ATP10B: variants seen among roughly 807,000 people sequenced by gnomAD.
ATP10B encodes phospholipid-transporting ATPase VB.
Under a neutral mutation model 141.2 loss-of-function variants are expected in ATP10B, and 122 were observed. The ratio of observed to expected loss-of-function variants is 0.86; its 90% CI spans 0.75 to 1.00. The LOEUF is 1.00. ATP10B is among the 50% of genes least tolerant of loss of function. The probability of loss-of-function intolerance (pLI) is 0.00; values close to 1 mark genes in which losing one functional copy is unlikely to be tolerated. For synonymous variants in ATP10B, 685 were observed against 692.0 expected (o/e 0.99, Z 0.16); for missense variants, 1,876 against 1,825.3 (o/e 1.03, Z -0.51).
At chr5:160,879,679 A>T in the ATP10B span, among the ~76,000 whole-genome samples, 1 of 152,120 alleles carries the variant, frequency 6.6e-6, no homozygotes, top group Non-Finnish European at 1.5e-5. Flanking sequence ...TTTACCAAAA[A>T]TACAAAAAAT....
intron 1 of ATP10B, among the ~76,000 whole-genome samples, chr5:160,834,560 T>C (rs146671639): frequency 2.0e-5 from 3 of 152,228 alleles, no homozygotes; most frequent in Admixed American, 6.5e-5. Context: ...GAAATGCTAT[T>C]GATGGAGATA....
At chr5:160,698,356 T>C (rs1764489743) in intron 3 of ATP10B, among the ~76,000 whole-genome samples, 1 of 152,178 alleles carries the variant, frequency 6.6e-6, no homozygotes, top group African/African-American at 2.4e-5. Context: ...TCTTAACCAC[T>C]GCTCCTGGCC....
In ATP10B at chr5:160,804,918, A is replaced by G. The variant is rs1275811915; in HGVS notation, c.-575-19115T>C. ...CCCACCACCAAAATCCATTCATACC[A>G]AAGTCCTGCTGTCAGTATTGCAGAA... is the stretch of plus-strand genomic sequence containing the variant. On this transcript the variant is annotated intron_variant, in intron 1 of 25. Coordinates refer to ENST00000327245, the MANE Select transcript of ATP10B (RefSeq NM_025153.3). Among the ~76,000 whole-genome samples the G allele has an allele frequency of 5.3e-5, 8 of 152,346 alleles. No homozygotes were observed. In the East Asian group the frequency reaches 1.2e-3, roughly 22 times the overall value.
At chr5:160,687,035 T>TC in intron 5 of ATP10B, 8 of 790,230 alleles carry the variant, frequency 1.0e-5, no homozygotes, top group South Asian at 5.8e-5. Flanking sequence ...GCAGGAACAT[T>TC]CTGCTGACTT....
chr5:160,708,544 C>T (rs1200526869), intron 3 of ATP10B, among the ~76,000 whole-genome samples: 1 of 152,124 alleles, frequency 6.6e-6, no homozygotes, highest in Non-Finnish European at 1.5e-5. Flanking sequence ...CTTTCCTTTC[C>T]TTTGGACCAT....
At chr5:160,667,622 C>T (rs1298096862) in intron 7 of ATP10B, among the ~76,000 whole-genome samples, 1 of 152,122 alleles carries the variant, frequency 6.6e-6, no homozygotes, top group East Asian at 1.9e-4. Context: ...TGTAAATCAT[C>T]TCAGCGAGTG....
chr5:160,921,470 T>C, the ATP10B span, among the ~76,000 whole-genome samples: 1 of 152,216 alleles, frequency 6.6e-6, no homozygotes, highest in South Asian at 2.1e-4. Flanking sequence ...AGAATGACTA[T>C]CTTCCCAATC....
chr5:160,782,453 ACACACACACACACACACACACACACACT>A (rs539073565), intron 2 of ATP10B, among the ~76,000 whole-genome samples: 390 of 150,556 alleles, frequency 2.6e-3, no homozygotes, highest in Middle Eastern at 0.01. Flanking sequence ...ACACACACAC[ACACACACACACACACACACACACACACT>A]CACTCACTTT....
At chr5:160,837,551 A>G (rs1289447836) in intron 1 of ATP10B, among the ~76,000 whole-genome samples, 1 of 152,070 alleles carries the variant, frequency 6.6e-6, no homozygotes, top group African/African-American at 2.4e-5. Flanking sequence ...CTACCAAAAT[A>G]TGATTTTTTT....
intron 8 of ATP10B, among the ~76,000 whole-genome samples, chr5:160,645,405 G>A (rs1760206192): frequency 6.6e-6 from 1 of 152,204 alleles, no homozygotes; most frequent in Non-Finnish European, 1.5e-5. Flanking sequence ...AGGAAGGGCA[G>A]GTCATGGGTT....
At chr5:160,886,738 C>T in the ATP10B span, among the ~76,000 whole-genome samples, 1 of 152,094 alleles carries the variant, frequency 6.6e-6, no homozygotes, top group East Asian at 1.9e-4. Flanking sequence ...AAAAGAACCT[C>T]TAAAAGATGA....
At chr5:160,671,770 C>T (rs945123319) in intron 6 of ATP10B, among the ~76,000 whole-genome samples, 7 of 152,108 alleles carry the variant, frequency 4.6e-5, no homozygotes, top group African/African-American at 1.4e-4. Context: ...TAGATATTAT[C>T]ATACCCATTT....
chr5:160,569,801 T>A, intron 24 of ATP10B, 118 bp from the exon 25 acceptor site: 4 of 814,126 alleles, frequency 4.9e-6, no homozygotes, highest in African/African-American at 1.8e-5. Flanking sequence ...ACACACAAAA[T>A]TCAAAAAAGT....
At chr5:160,728,352 A>G (rs1766509790) in intron 2 of ATP10B, among the ~76,000 whole-genome samples, 2 of 152,162 alleles carry the variant, frequency 1.3e-5, no homozygotes, top group South Asian at 2.1e-4. Flanking sequence ...ACAAACCTCT[A>G]TTGATTGAGA....
rs919611637 is a variant in ATP10B at position 160,844,550 on chromosome 5, G to C, written c.-576+7391C>G. Among the ~76,000 whole-genome samples the C allele has an allele frequency of 2.1e-5, 3 of 143,366 alleles. No individual in the cohort carries two copies. The South Asian group carries it at 6.7e-4, about 32-fold the overall frequency. 94.1% of individuals were successfully genotyped at this position (143,366 alleles called of 152,430 possible). On this transcript the variant is annotated intron_variant, in intron 1 of 25. Coordinates refer to ENST00000327245, the MANE Select transcript of ATP10B (RefSeq NM_025153.3). Reference sequence around the variant, plus strand: ...GTCCCAATAACTTAATAAATACTTTGTTTTTTTTTTTTTGAGAAACAGTGT... The same window carrying C: ...GTCCCAATAACTTAATAAATACTTTCTTTTTTTTTTTTTGAGAAACAGTGT...
intron 1 of ATP10B, among the ~76,000 whole-genome samples, chr5:160,797,842 G>A (rs1289112869): frequency 1.3e-5 from 2 of 151,888 alleles, no homozygotes; most frequent in African/African-American, 4.8e-5. Context: ...TGTCATCTGA[G>A]CTACTTGGGA....
At chr5:160,757,540 A>C (rs1440656684) in intron 2 of ATP10B, among the ~76,000 whole-genome samples, 2 of 152,222 alleles carry the variant, frequency 1.3e-5, no homozygotes, top group Non-Finnish European at 2.9e-5. Context: ...TGATATAATT[A>C]GAAGATAATT....
chr5:160,584,854 A>G (rs984405230), intron 24 of ATP10B, among the ~76,000 whole-genome samples: 1 of 151,634 alleles, frequency 6.6e-6, no homozygotes, highest in Non-Finnish European at 1.5e-5. Flanking sequence ...TTCTAGTTTT[A>G]TTTTCTCCTT....
chr5:160,606,931 G>A lies in ATP10B; in HGVS notation c.2994C>T (p.Ile998=), dbSNP rs372284579. 9 of 1,614,000 alleles carry A rather than the reference G, an allele frequency of 5.6e-6. No individual in the cohort carries two copies. Among genetic ancestry groups the A allele is most frequent in the African/African-American group, 2.7e-5 (2 of 74,904 alleles). The change falls in exon 19 of 26, where the codon ATC becomes ATT. Residue 998 remains isoleucine, a synonymous_variant. Transcript: ENST00000327245. ...EAVVPEAGLV[I]DGKTLNAIFQ... is the part of the protein sequence containing the mutation. Reference sequence around the variant, plus strand: ...AGATGGCATTCAATGTCTTCCCATCGATGACCAATCCAGCTTCTGGAACCA... The same window carrying A: ...AGATGGCATTCAATGTCTTCCCATCAATGACCAATCCAGCTTCTGGAACCA...
Sources: gnomAD v4.1 joint callset for allele counts (sites outside exome capture counted in the v4.1 genomes callset) on GRCh38, gnomAD v4.1.1 for gene constraint, MANE v1.5 for transcripts, NCBI Gene and HGNC (gene_info 2026-07-23, HGNC 2026-07-21) for gene names.